PAK4: variants seen among roughly 807,000 people sequenced by gnomAD.
PAK4 encodes the protein p21 (RAC1) activated kinase 4, also known as serine/threonine-protein kinase PAK 4.
PAK4 carries 49 observed loss-of-function variants against 53.5 expected under a neutral mutation model. The ratio of observed to expected loss-of-function variants is 0.92; its 90% CI spans 0.73 to 1.16. The LOEUF (loss-of-function observed/expected upper bound fraction) is 1.16. PAK4 is among the 50% of genes most tolerant of loss of function. The pLI, the probability that PAK4 is intolerant of heterozygous loss-of-function variation, is 0.00. For synonymous variants in PAK4, 376 were observed against 375.6 expected, an observed-to-expected ratio of 1.00 and a Z score of -0.01; for missense variants, 824 against 850.7, an observed-to-expected ratio of 0.97 and a Z score of 0.39.
chr19:39,139,182 G>T (rs1436530640), intron 1 of PAK4, among the ~76,000 whole-genome samples: 1 of 152,174 alleles, frequency 6.6e-6, no homozygotes, highest in Non-Finnish European at 1.5e-5. Context: ...CATTTATTCT[G>T]TGGGTCTTGG....
At chr19:39,177,478 G>T (rs979416805) in intron 7 of PAK4, among the ~76,000 whole-genome samples, 197 bp from the exon 9 acceptor site, 1 of 152,144 alleles carries the variant, frequency 6.6e-6, no homozygotes, top group Non-Finnish European at 1.5e-5. Context: ...TGGGTGCTGG[G>T]GGGGCAGCTC....
chr19:39,165,558 A>AATAAATAAAT (rs35427519), intron 1 of PAK4, among the ~76,000 whole-genome samples: 1 of 151,564 alleles, frequency 6.6e-6, no homozygotes, highest in Non-Finnish European at 1.5e-5. Flanking sequence ...AAATAAAATA[A>AATAAATAAAT]TAATAGACAA....
At chr19:39,168,655 C>T (rs1161653009) in intron 1 of PAK4, 1 of 152,258 alleles carries the variant, frequency 6.6e-6, no homozygotes, top group African/African-American at 2.4e-5. Flanking sequence ...ATCAGAATGT[C>T]TCTTCCTCAG....
intron 1 of PAK4, among the ~76,000 whole-genome samples, chr19:39,148,051 G>A (rs542004629): frequency 5.9e-4 from 89 of 150,002 alleles, no homozygotes; most frequent in African/African-American, 2.0e-3. Context: ...TCCCGGGTTC[G>A]AGCGATTTTT....
rs1376892004 is a variant in PAK4 at position 39,173,441 on chromosome 19, C to T, written c.663+65C>T. The T allele has an allele frequency of 7.3e-7, 1 of 1,367,732 alleles. No individual in the cohort carries two copies. The highest frequency in any genetic ancestry group is 2.4e-5 in the East Asian group (1 of 41,060). 84.7% of individuals were successfully genotyped at this position (1,367,732 alleles called of 1,614,324 possible). On this transcript the variant is annotated intron_variant, in intron 3 of 8. Coordinates refer to ENST00000358301, the Ensembl canonical transcript of PAK4. This position sits in a 1 kb window ranked among gnomAD's most constrained non-coding sequence, Gnocchi z 6.9. The stretch of plus-strand genomic sequence containing the variant: ...CCCGTTGCTCCTCTGTCCCCACCTT[C>T]CAGCCCCGCCCCACCACCGTGCATC...
At chr19:39,135,550 G>T (rs1287840589) in intron 1 of PAK4, among the ~76,000 whole-genome samples, 2 of 151,940 alleles carry the variant, frequency 1.3e-5, no homozygotes, top group Admixed American at 6.6e-5. Context: ...GGCCAGGCAG[G>T]TCTCAAACTC....
downstream of PAK4, chr19:39,181,073 G>GTTTGT (rs59532686): frequency 0.31 from 47,111 of 151,572 alleles, 7,644 homozygotes; most frequent in Non-Finnish European, 0.36. Flanking sequence ...CTCACTGCAG[G>GTTTGT]TTTGTTTTGT....
chr19:39,169,595 G>A (rs141017388), exon 2 of PAK4: 111 of 1,612,044 alleles, frequency 6.9e-5, no homozygotes, highest in African/African-American at 2.4e-4. Flanking sequence ...TCTCCGCGCC[G>A]TCCAACTTCG....
intron 1 of PAK4, among the ~76,000 whole-genome samples, chr19:39,153,210 C>G (rs2074121759): frequency 6.6e-6 from 1 of 151,868 alleles, no homozygotes. Context: ...CCTCCCCCAA[C>G]CCCCAAAAGC....
chr19:39,141,658 A>AAAT (rs2073911778), intron 1 of PAK4, among the ~76,000 whole-genome samples: 2 of 150,886 alleles, frequency 1.3e-5, no homozygotes, highest in African/African-American at 4.9e-5. Context: ...TGTTTGAGAC[A>AAAT]GAGTCTCACT....
intron 1 of PAK4, among the ~76,000 whole-genome samples, chr19:39,159,424 C>T (rs963228105): frequency 2.6e-5 from 4 of 152,118 alleles, no homozygotes; most frequent in Admixed American, 6.5e-5. Context: ...CTCACTCTGT[C>T]GCCCAGGCTG....
At chr19:39,170,846 C>T (rs768660343) in intron 2 of PAK4, among the ~76,000 whole-genome samples, 35 of 152,376 alleles carry the variant, frequency 2.3e-4, no homozygotes, top group Middle Eastern at 6.8e-3. Context: ...ACTTCACTTC[C>T]AAAGCCGTTT....
At position 39,176,578 on chromosome 19, in the gene PAK4, G is replaced by A. The variant is rs377303081; in HGVS notation, c.1360-12G>A. ...CAGCTCCTCTGACCCCACTGCCTCT[G>A]CCCTGTCCCAGGTGAAGCTGTCAGA... On this transcript the variant is annotated splice_polypyrimidine_tract_variant and intron_variant, in intron 6 of 8. Coordinates refer to ENST00000358301, the Ensembl canonical transcript of PAK4. 1.9e-5 allele frequency: 31 copies of A among 1,613,588 alleles called. No individual in the cohort carries two copies. Among genetic ancestry groups the A allele is most frequent in the Non-Finnish European group, 2.4e-5 (28 of 1,179,972 alleles).
chr19:39,144,166 TTAGATAGA>T (rs57079317), intron 1 of PAK4, among the ~76,000 whole-genome samples: 76,423 of 132,050 alleles, frequency 0.58, 21,628 homozygotes, highest in East Asian at 0.82. Flanking sequence ...ATAGATTAGA[TTAGATAGA>T]TAGATAGATA....
At chr19:39,141,523 T>C (rs576527) in intron 1 of PAK4, among the ~76,000 whole-genome samples, 94,021 of 151,822 alleles carry the variant, frequency 0.62, 29,237 homozygotes, top group East Asian at 0.77. Flanking sequence ...ACCATATTGA[T>C]CAGGCTGGTC....
intron 1 of PAK4, among the ~76,000 whole-genome samples, chr19:39,150,184 G>A (rs2074071194): frequency 6.6e-6 from 1 of 151,950 alleles, no homozygotes; most frequent in Non-Finnish European, 1.5e-5. Flanking sequence ...CCGCTGCTCT[G>A]TTGCTGTGAC....
intron 1 of PAK4, among the ~76,000 whole-genome samples, chr19:39,144,383 T>C (rs1465224524): frequency 6.6e-6 from 1 of 152,104 alleles, no homozygotes; most frequent in African/African-American, 2.4e-5. Flanking sequence ...CACGTAACAC[T>C]TTGTAGTGGT....
Position 39,173,839 on chromosome 19 carries a change from G to C in PAK4, c.927G>C (p.Gln309His), listed in dbSNP as rs1485878278. 2 of 1,612,686 alleles carry C rather than the reference G, an allele frequency of 1.2e-6. No individual in the cohort carries two copies. Among genetic ancestry groups the C allele is most frequent in the South Asian group, 2.2e-5 (2 of 91,060 alleles). ...ATGAGCAGTTCCGGGCTGCCCTGCAGCTGGTGGTGGACCCAGGCGACCCCC... is the reference window on the plus strand; with the variant it reads ...ATGAGCAGTTCCGGGCTGCCCTGCACCTGGTGGTGGACCCAGGCGACCCCC... Residue 309 changes from glutamine to histidine, a missense_variant, in exon 4 of 9, where the codon CAG (glutamine) becomes CAC (histidine). By Grantham distance (24) the Gln-to-His change is conservative. Transcript: ENST00000358301. This position sits in a 1 kb window ranked among gnomAD's most constrained non-coding sequence, Gnocchi z 6.9.
chr19:39,182,143 C>G (rs2074705869), downstream of PAK4: 1 of 152,198 alleles, frequency 6.6e-6, no homozygotes, highest in African/African-American at 2.4e-5. Flanking sequence ...CATCAGCACC[C>G]TAGGGTCCTT....
Sources: gnomAD v4.1 joint callset for allele counts (sites outside exome capture counted in the v4.1 genomes callset) on GRCh38, gnomAD v4.1.1 for gene constraint, Gnocchi (gnomAD v3.1) non-coding constraint, MANE v1.5 for transcripts, NCBI Gene and HGNC (gene_info 2026-07-23, HGNC 2026-07-21) for gene names.